Variants in RBFOX1 observed in about 807,000 individuals in gnomAD.
RBFOX1 encodes the protein RNA binding protein fox-1 homolog 1.
In RBFOX1, 8 loss-of-function variants were observed where a neutral mutation model predicts 57.7. That is an observed-to-expected ratio of 0.14 (90% CI 0.08 to 0.25). The LOEUF is 0.25. Ranked by LOEUF, RBFOX1 falls within the 10% of genes least tolerant of loss-of-function variation. The pLI, the probability that RBFOX1 is intolerant of heterozygous loss-of-function variation, is 1.00. For missense variants in RBFOX1, 611 were observed against 548.5 expected, an observed-to-expected ratio of 1.11 and a Z score of -1.14; for synonymous variants, 326 against 222.4, an observed-to-expected ratio of 1.47 and a Z score of -4.15.
chr16:6,540,968 C>T (rs1049512381), intron 2 of RBFOX1, among the ~76,000 whole-genome samples: 1 of 152,112 alleles, frequency 6.6e-6, no homozygotes, highest in African/African-American at 2.4e-5. Flanking sequence ...GCCAGAACCC[C>T]CTAGACATTT....
At chr16:6,563,216 C>T (rs186410504) in intron 2 of RBFOX1, among the ~76,000 whole-genome samples, 1 of 152,140 alleles carries the variant, frequency 6.6e-6, no homozygotes, top group Non-Finnish European at 1.5e-5. Flanking sequence ...CACTGCGTGA[C>T]TTCCAAGACA....
At chr16:5,682,543 G>A (rs1481644958) in intron 3 of RBFOX1, among the ~76,000 whole-genome samples, 1 of 152,146 alleles carries the variant, frequency 6.6e-6, no homozygotes, top group African/African-American at 2.4e-5. Context: ...TTTGTGCCAG[G>A]ACATTTCATT....
chr16:7,512,334 C>T (rs1018076480), intron 4 of RBFOX1, among the ~76,000 whole-genome samples: 1 of 152,148 alleles, frequency 6.6e-6, no homozygotes, highest in African/African-American at 2.4e-5. Context: ...ACATTTCAGC[C>T]AAGCTAAGAA....
chr16:5,315,494 G>A (rs1226497846), intron 1 of RBFOX1, among the ~76,000 whole-genome samples: 1 of 152,172 alleles, frequency 6.6e-6, no homozygotes, highest in South Asian at 2.1e-4. Context: ...CGGGGTCTGC[G>A]TAGCTGCACC....
intron 5 of RBFOX1, among the ~76,000 whole-genome samples, chr16:7,553,329 G>T (rs1253721913): frequency 2.0e-5 from 3 of 152,074 alleles, no homozygotes; most frequent in Admixed American, 1.3e-4. Context: ...ATTTTCTGTA[G>T]AGATGGGATC....
At chr16:6,607,413 C>G (rs12445954) in intron 2 of RBFOX1, among the ~76,000 whole-genome samples, 4,867 of 82,304 alleles carry the variant, frequency 0.059, 115 homozygotes, top group Admixed American at 0.075. Context: ...CTTTCAGTCT[C>G]TCTCCTCTCT....
At chr16:7,508,487 C>G (rs898996030) in intron 4 of RBFOX1, among the ~76,000 whole-genome samples, 10 of 152,228 alleles carry the variant, frequency 6.6e-5, no homozygotes, top group Admixed American at 2.0e-4. Flanking sequence ...GAGACAGGGC[C>G]TCTTGTCCTC....
chr16:5,267,883 C>G (rs1041690639), intron 1 of RBFOX1, among the ~76,000 whole-genome samples: 3 of 151,980 alleles, frequency 2.0e-5, no homozygotes, highest in African/African-American at 7.2e-5. Context: ...GGAGTTTGAG[C>G]ACAGCCTGGC....
At chr16:6,119,751 C>G (rs1298888178) in intron 1 of RBFOX1, among the ~76,000 whole-genome samples, 1 of 152,210 alleles carries the variant, frequency 6.6e-6, no homozygotes, top group Admixed American at 6.5e-5. Context: ...AATCCTCCCT[C>G]AGCCTCCTGA....
intron 2 of RBFOX1, among the ~76,000 whole-genome samples, chr16:6,523,404 C>G (rs948438477): frequency 6.6e-6 from 1 of 152,110 alleles, no homozygotes; most frequent in Non-Finnish European, 1.5e-5. Flanking sequence ...TGTCTATGAA[C>G]TTGGCAATGT....
At chr16:6,911,569 A>T (rs1276359128) in intron 3 of RBFOX1, among the ~76,000 whole-genome samples, 1 of 152,194 alleles carries the variant, frequency 6.6e-6, no homozygotes, top group Non-Finnish European at 1.5e-5. Context: ...ACTATGACCC[A>T]TAATGACTTA....
chr16:5,525,997 G>A (rs2044229502), intron 2 of RBFOX1, among the ~76,000 whole-genome samples: 1 of 151,426 alleles, frequency 6.6e-6, no homozygotes, highest in African/African-American at 2.5e-5. Context: ...TATCAAGGCT[G>A]GGATAGTCTG....
At chr16:6,350,087 T>G (rs1250452005) in intron 2 of RBFOX1, among the ~76,000 whole-genome samples, 4 of 152,106 alleles carry the variant, frequency 2.6e-5, no homozygotes. Flanking sequence ...TTGTGAAAAA[T>G]CATGCAATTG....
At chr16:5,771,017 G>A (rs1055721516) in intron 3 of RBFOX1, among the ~76,000 whole-genome samples, 5 of 152,166 alleles carry the variant, frequency 3.3e-5, no homozygotes, top group Non-Finnish European at 7.3e-5. Flanking sequence ...AGCAGTGTTG[G>A]CATCATGGAG....
intron 1 of RBFOX1, among the ~76,000 whole-genome samples, chr16:5,259,444 A>T (rs758863010): frequency 1.3e-5 from 2 of 152,130 alleles, no homozygotes; most frequent in Non-Finnish European, 2.9e-5. Flanking sequence ...TGAAACTTCA[A>T]GCTGGGCTCT....
chr16:5,689,086 G>A (rs915614807), intron 3 of RBFOX1, among the ~76,000 whole-genome samples: 3 of 152,134 alleles, frequency 2.0e-5, no homozygotes, highest in Admixed American at 1.3e-4. Context: ...AGCCAAGGTC[G>A]GGAGGCTTGG....
At chr16:6,144,133 G>A (rs1410238107) in intron 1 of RBFOX1, among the ~76,000 whole-genome samples, 1 of 152,088 alleles carries the variant, frequency 6.6e-6, no homozygotes, top group Non-Finnish European at 1.5e-5. Context: ...TAGTTCTGAA[G>A]CATGTATTCC....
At chr16:6,646,748 C>T (rs935464069) in intron 2 of RBFOX1, among the ~76,000 whole-genome samples, 4 of 152,030 alleles carry the variant, frequency 2.6e-5, no homozygotes, top group African/African-American at 9.7e-5. Flanking sequence ...TTTCATCACT[C>T]CCATATTGAG....
intron 3 of RBFOX1, among the ~76,000 whole-genome samples, chr16:7,020,046 C>A (rs1435001376): frequency 6.6e-6 from 1 of 150,376 alleles, no homozygotes; most frequent in Admixed American, 6.6e-5. Context: ...TTTTCTAGAT[C>A]AGCTTAGGTG....
Sources: allele counts gnomAD v4.1 joint callset (sites outside exome capture counted in the v4.1 genomes callset), GRCh38; gene constraint gnomAD v4.1.1; transcripts MANE v1.5; gene names NCBI Gene and HGNC (gene_info 2026-07-23, HGNC 2026-07-21).